The following CNTN4 variants were observed in gnomAD, a reference collection of about 807,000 sequenced individuals.
The protein encoded by CNTN4 is contactin 4, also known as contactin-4.
In CNTN4, 77 loss-of-function variants were observed where a neutral mutation model predicts 122.5. The ratio of observed to expected loss-of-function variants is 0.63; its 90% CI spans 0.52 to 0.76. The LOEUF is 0.76. CNTN4 is among the 30% of genes least tolerant of loss of function. The pLI is 0.00. For synonymous variants in CNTN4, 512 were observed against 447.0 expected (o/e 1.15, Z -1.83); for missense variants, 1,256 against 1,259.1 (o/e 1.00, Z 0.04).
At chr3:2,611,003 A>T (rs1032602059) in intron 4 of CNTN4, among the ~76,000 whole-genome samples, 3 of 152,144 alleles carry the variant, frequency 2.0e-5, no homozygotes, top group African/African-American at 7.2e-5. Flanking sequence ...TAACGATACG[A>T]TACATCTTAT....
chr3:2,646,833 T>C (rs2083145558), intron 4 of CNTN4, among the ~76,000 whole-genome samples: 1 of 152,172 alleles, frequency 6.6e-6, no homozygotes, highest in African/African-American at 2.4e-5. Flanking sequence ...TTTCCTCTTC[T>C]TATAAGGACA....
At chr3:2,214,139 G>T (rs1334835737) in intron 2 of CNTN4, among the ~76,000 whole-genome samples, 1 of 152,128 alleles carries the variant, frequency 6.6e-6, no homozygotes, top group African/African-American at 2.4e-5. Flanking sequence ...ATTTGCTCAA[G>T]ATTTGCTCCT....
At chr3:2,212,432 T>A (rs1302595950) in intron 2 of CNTN4, among the ~76,000 whole-genome samples, 1 of 152,158 alleles carries the variant, frequency 6.6e-6, no homozygotes, top group Non-Finnish European at 1.5e-5. Context: ...GACCTCACAA[T>A]CGTGGCAGGA....
chr3:2,174,435 T>C (rs1272492168), intron 2 of CNTN4, among the ~76,000 whole-genome samples: 1 of 152,122 alleles, frequency 6.6e-6, no homozygotes, highest in Non-Finnish European at 1.5e-5. Context: ...AGCTGGCAAA[T>C]TGGATGTCTG....
chr3:2,574,007 A>C (rs901943561), intron 4 of CNTN4, among the ~76,000 whole-genome samples: 1 of 152,182 alleles, frequency 6.6e-6, no homozygotes, highest in Admixed American at 6.5e-5. Flanking sequence ...ACCTGAGGTC[A>C]GGAGTTAGAG....
intron 3 of CNTN4, among the ~76,000 whole-genome samples, chr3:2,432,541 A>C (rs781491050): frequency 6.6e-6 from 1 of 151,896 alleles, no homozygotes; most frequent in Non-Finnish European, 1.5e-5. Context: ...ATATGACAGC[A>C]TTTCTCCCCC....
intron 14 of CNTN4, among the ~76,000 whole-genome samples, chr3:3,003,409 T>G (rs1329553323): frequency 1.3e-5 from 2 of 152,014 alleles, no homozygotes; most frequent in Non-Finnish European, 2.9e-5. Flanking sequence ...ATTCAGTCAT[T>G]AAAAGAAATG....
At chr3:2,224,715 G>A (rs2149509252) in intron 2 of CNTN4, among the ~76,000 whole-genome samples, 1 of 152,280 alleles carries the variant, frequency 6.6e-6, no homozygotes. Context: ...TAAATGTGCA[G>A]TAAATGTTAA....
At chr3:2,422,594 C>T (rs187055536) in intron 3 of CNTN4, among the ~76,000 whole-genome samples, 1 of 152,214 alleles carries the variant, frequency 6.6e-6, no homozygotes, top group East Asian at 1.9e-4. Context: ...CCAATTCCTT[C>T]TTCCCTATAG....
chr3:2,334,279 T>C (rs1025418619), intron 2 of CNTN4, among the ~76,000 whole-genome samples: 8 of 152,154 alleles, frequency 5.3e-5, no homozygotes, highest in Non-Finnish European at 1.2e-4. Context: ...TGCCTCAGCC[T>C]CCCAAGTAGC....
chr3:2,168,394 A>C (rs2149217897), intron 2 of CNTN4, among the ~76,000 whole-genome samples: 1 of 152,274 alleles, frequency 6.6e-6, no homozygotes, highest in South Asian at 2.1e-4. Flanking sequence ...TATACTATGA[A>C]CTATCTTTAA....
chr3:2,706,976 A>ATGTGTGTG (rs369390925), intron 4 of CNTN4, among the ~76,000 whole-genome samples: 2 of 150,726 alleles, frequency 1.3e-5, no homozygotes, highest in Non-Finnish European at 3.0e-5. Flanking sequence ...GATTATGTGT[A>ATGTGTGTG]TGTGTGTGTG....
chr3:2,513,804 AGGGGTCAGTTTAGGGTATGTG>A (rs1414296280), intron 3 of CNTN4, among the ~76,000 whole-genome samples: 6 of 152,158 alleles, frequency 3.9e-5, no homozygotes, highest in African/African-American at 1.4e-4. Flanking sequence ...TGAACTCTCC[AGGGGTCAGTTTAGGGTATGTG>A]GTCTCTTGAC....
At chr3:2,430,139 A>G (rs997312983) in intron 3 of CNTN4, among the ~76,000 whole-genome samples, 2 of 151,934 alleles carry the variant, frequency 1.3e-5, no homozygotes, top group Non-Finnish European at 2.9e-5. Flanking sequence ...AAATGCAGAA[A>G]TTGGCCGGGC....
At chr3:2,685,746 A>G (rs1005391488) in intron 4 of CNTN4, among the ~76,000 whole-genome samples, 5 of 152,086 alleles carry the variant, frequency 3.3e-5, no homozygotes, top group African/African-American at 1.2e-4. Context: ...TCCTTGCTAG[A>G]TTAAAGCCTT....
In CNTN4 at chr3:3,050,839, G is replaced by T. The variant is rs114739912; in HGVS notation, c.2812-2968G>T. On this transcript the variant is annotated intron_variant, in intron 23 of 24. Coordinates refer to ENST00000418658, the MANE Select transcript of CNTN4 (RefSeq NM_175607.3). ...TGAATGCAGGATCCGCCACTTACCA[G>T]TCATGAGACCGGGCAATTGCTTCAC... Among the ~76,000 whole-genome samples the T allele has an allele frequency of 9.8e-3, 1,469 of 149,882 alleles. 27 individuals carry two copies. The highest frequency in any genetic ancestry group is 0.034 in the African/African-American group (1,390 of 40,558).
intron 8 of CNTN4, among the ~76,000 whole-genome samples, chr3:2,868,440 G>A (rs1458595001): frequency 3.9e-5 from 6 of 152,106 alleles, no homozygotes; most frequent in South Asian, 2.1e-4. Context: ...AATGCAAGAC[G>A]GGAACTCAGA....
chr3:2,104,799 A>C (rs564374660), intron 2 of CNTN4, among the ~76,000 whole-genome samples: 2 of 152,342 alleles, frequency 1.3e-5, no homozygotes, highest in African/African-American at 2.4e-5. Flanking sequence ...ACAGGTTTCC[A>C]ATGAAAGCAT....
chr3:2,124,512 C>T (rs1374916676), intron 2 of CNTN4, among the ~76,000 whole-genome samples: 2 of 151,450 alleles, frequency 1.3e-5, no homozygotes, highest in African/African-American at 2.4e-5. Flanking sequence ...CCTATAATCC[C>T]ACACTTTGGG....
Sources: gnomAD v4.1 joint callset for allele counts (sites outside exome capture counted in the v4.1 genomes callset) on GRCh38, gnomAD v4.1.1 for gene constraint, MANE v1.5 for transcripts, NCBI Gene and HGNC (gene_info 2026-07-23, HGNC 2026-07-21) for gene names.